The following FLNB variants were observed in gnomAD, a reference collection of about 807,000 sequenced individuals.
The protein encoded by FLNB is filamin-B.
Under a neutral mutation model 250.6 loss-of-function variants are expected in FLNB, and 111 were observed. That is an observed-to-expected ratio of 0.44 (90% CI 0.38 to 0.52). The LOEUF is 0.52. FLNB is among the 20% of genes least tolerant of loss of function. FLNB has a pLI of 0.00. For missense variants in FLNB, 2,869 were observed against 3,447.8 expected (o/e 0.83, Z 4.20); for synonymous variants, 1,302 against 1,372.1 (o/e 0.95, Z 1.13).
chr3:58,044,877 A>G (rs1481561943), intron 1 of FLNB, among the ~76,000 whole-genome samples: 1 of 152,220 alleles, frequency 6.6e-6, no homozygotes, highest in Non-Finnish European at 1.5e-5. Flanking sequence ...CCAAGTCAGC[A>G]TGACTCGAGG....
In FLNB at chr3:58,142,074, GATCCC is replaced by G; in HGVS notation, c.5181+146_5181+150del. The G allele has an allele frequency of 2.7e-6, 2 of 742,066 alleles. No individual in the cohort carries two copies. Among genetic ancestry groups the G allele is most frequent in the Non-Finnish European group, 4.9e-6 (2 of 408,508 alleles). The allele number at this position is 742,066 out of a possible 1,614,324, so 46.0% of individuals were successfully genotyped here. On this transcript the variant is annotated intron_variant, in intron 30 of 45. Transcript: ENST00000295956. This position sits in a 1 kb window ranked among gnomAD's most constrained non-coding sequence, Gnocchi z 4.3. ...CCCTCACTGATCAGCCCATCACGAT[GATCCC>G]TGCTTTTTCTGTAATAAGATCACCT... is the stretch of plus-strand genomic sequence containing the variant.
intron 1 of FLNB, among the ~76,000 whole-genome samples, chr3:58,038,675 G>T (rs2097141628): frequency 6.6e-6 from 1 of 150,888 alleles, no homozygotes; most frequent in African/African-American, 2.4e-5. Flanking sequence ...GTGATCTCCT[G>T]CCTCAGCCTC....
At chr3:58,094,993 A>G (rs777620894) in intron 5 of FLNB, 39 bp downstream of exon 5, 11 of 1,494,586 alleles carry the variant, frequency 7.4e-6, no homozygotes, top group Admixed American at 5.0e-5. Context: ...CCAGCACCTC[A>G]TGGAGCTTTT....
At chr3:58,024,697 C>T (rs906123753) in intron 1 of FLNB, among the ~76,000 whole-genome samples, 1 of 110,470 alleles carries the variant, frequency 9.1e-6, no homozygotes, top group Non-Finnish European at 2.0e-5. Context: ...TCTGGCCAAG[C>T]CTCCTTTTTT....
chr3:58,146,726 C>A, intron 33 of FLNB, 94 bp from the exon 34 acceptor site: 2 of 1,321,268 alleles, frequency 1.5e-6, no homozygotes, highest in Non-Finnish European at 2.2e-6. Context: ...TTGTCCCCAG[C>A]ATCAGGGCTG....
In FLNB at chr3:58,081,245, G is replaced by A. The variant is rs960580356; in HGVS notation, c.640-384G>A. 3.9e-5 allele frequency among the ~76,000 whole-genome samples: 6 copies of A among 152,248 alleles called. No individual in the cohort carries two copies. In the East Asian group the frequency reaches 1.2e-3, roughly 29 times the overall value. Reference sequence around the variant, plus strand: ...CAAAGGAAAAAGCTGGTTAACCTGTGCACTTTTTTGTAACATGCTCTAATC... The same window carrying A: ...CAAAGGAAAAAGCTGGTTAACCTGTACACTTTTTTGTAACATGCTCTAATC... On this transcript the variant is annotated intron_variant, in intron 3 of 45. Transcript: ENST00000295956.
Position 58,118,858 on chromosome 3 carries a change from C to G in FLNB, c.2746-14C>G. ...GGTACCCAAAGGTAAACTGAGTTTT[C>G]TCTCTTGTTCCAGGGCAACATGCAG... On this transcript the variant is annotated splice_polypyrimidine_tract_variant and intron_variant, in intron 18 of 45. Coordinates refer to ENST00000295956, the MANE Select transcript of FLNB (RefSeq NM_001457.4). 6.2e-7 allele frequency: 1 copy of G among 1,607,326 alleles called. No homozygotes were observed. Among genetic ancestry groups the G allele is most frequent in the Non-Finnish European group, 8.5e-7 (1 of 1,173,846 alleles).
At chr3:58,153,251 TG>T in intron 38 of FLNB, 123 bp from the exon 39 acceptor site, 3 of 1,142,920 alleles carry the variant, frequency 2.6e-6, no homozygotes, top group Non-Finnish European at 3.9e-6. Context: ...GAAGGAAGCC[TG>T]GGCACCTCAC....
Position 58,008,742 on chromosome 3 carries a change from A to G in FLNB, c.178A>G (p.Lys60Glu), listed in dbSNP as rs1291636394. 1.9e-6 allele frequency: 3 copies of G among 1,614,040 alleles called. No individual in the cohort carries two copies. Among genetic ancestry groups the G allele is most frequent in the Middle Eastern group, 1.6e-4 (1 of 6,084 alleles). Residue 60 changes from lysine (K) to glutamate (E), a missense_variant, in exon 1 of 46, where the codon AAG becomes GAG. By Grantham distance (56) the Lys-to-Glu change is moderately conservative. This residue lies in a region of FLNB where 308 missense variants were observed against 466.1 expected (regional missense o/e 0.66). Coordinates refer to ENST00000295956, the MANE Select transcript of FLNB (RefSeq NM_001457.4). The part of the protein sequence containing the change: ...LIALLEVLSQ[K>E]RMYRKYHQRP... ...CGCGCTGCTCGAGGTGCTCAGCCAG[A>G]AGCGCATGTACCGCAAGTACCATCA...
intron 1 of FLNB, among the ~76,000 whole-genome samples, chr3:58,058,435 G>C (rs1434708334): frequency 6.7e-6 from 1 of 148,276 alleles, no homozygotes; most frequent in Non-Finnish European, 1.5e-5. Flanking sequence ...CTTCGTCACA[G>C]ACAACATATT....
At chr3:58,130,638 T>G in intron 24 of FLNB, 103 bp from the exon 25 acceptor site, 6 of 1,211,452 alleles carry the variant, frequency 5.0e-6, no homozygotes, top group Non-Finnish European at 7.1e-6. Context: ...GACCGAGGCC[T>G]GCATGGCCGA....
chr3:58,087,471 T>G (rs1264650881), intron 4 of FLNB, among the ~76,000 whole-genome samples: 1 of 152,058 alleles, frequency 6.6e-6, no homozygotes, highest in Non-Finnish European at 1.5e-5. Flanking sequence ...TTTTTTTTTT[T>G]GAGACGGAGT....
intron 39 of FLNB, 78 bp from the exon 40 acceptor site, chr3:58,154,713 G>A: frequency 1.3e-6 from 2 of 1,487,458 alleles, no homozygotes; most frequent in South Asian, 2.3e-5. Flanking sequence ...ACCTAGCACT[G>A]CAGGTTTGAA....
Position 58,154,871 on chromosome 3 carries a change from A to G in FLNB, c.6715A>G (p.Thr2239Ala). 1.9e-6 allele frequency: 3 copies of G among 1,614,100 alleles called. No individual in the cohort carries two copies. The highest frequency in any genetic ancestry group is 2.2e-5 in the East Asian group (1 of 44,880). ...AVEGPSKAEI[T>A]FDDHKNGSCG... ...TGAGGGCCCCAGTAAGGCCGAGATT[A>G]CATTCGATGACCATAAAAATGGGTC... Residue 2239 changes from threonine (T) to alanine (A), a missense_variant, in exon 40 of 46, where the codon ACA (threonine) becomes GCA (alanine). Thr to Ala is a moderately conservative substitution (Grantham distance 58). Transcript: ENST00000295956.
At chr3:58,096,415 A>C (rs1231162336) in intron 6 of FLNB, among the ~76,000 whole-genome samples, 197 bp downstream of exon 6, 1 of 152,240 alleles carries the variant, frequency 6.6e-6, no homozygotes, top group Non-Finnish European at 1.5e-5. Flanking sequence ...GCAATGTCGT[A>C]AGATTTTTCC....
intron 1 of FLNB, among the ~76,000 whole-genome samples, chr3:58,013,381 G>A (rs149458554): frequency 0.017 from 2,649 of 152,302 alleles, 72 homozygotes; most frequent in African/African-American, 0.06. Flanking sequence ...CCAGGGTGGT[G>A]GGTCACTGGT....
At chr3:58,099,390 GGTATCA>G (rs1428022232) in intron 8 of FLNB, among the ~76,000 whole-genome samples, 2 of 152,142 alleles carry the variant, frequency 1.3e-5, no homozygotes, top group African/African-American at 4.8e-5. Flanking sequence ...GATAGCGTTA[GGTATCA>G]GTACTACAAG....
intron 1 of FLNB, among the ~76,000 whole-genome samples, chr3:58,074,601 A>G (rs1448264987): frequency 2.6e-5 from 4 of 152,228 alleles, no homozygotes; most frequent in African/African-American, 9.6e-5. Flanking sequence ...GAGCTAAATT[A>G]CAAGAAAACA....
intron 1 of FLNB, among the ~76,000 whole-genome samples, chr3:58,071,473 T>G (rs2097194448): frequency 1.3e-5 from 2 of 151,770 alleles, no homozygotes; most frequent in African/African-American, 2.4e-5. Flanking sequence ...GAGACAGGGT[T>G]TCACCGTGTT....
Sources: gnomAD v4.1 joint callset for allele counts (sites outside exome capture counted in the v4.1 genomes callset) on GRCh38, gnomAD v4.1.1 for gene constraint, gnomAD v4.1.1 regional missense constraint, Gnocchi (gnomAD v3.1) non-coding constraint, MANE v1.5 for transcripts, NCBI Gene and HGNC (gene_info 2026-07-23, HGNC 2026-07-21) for gene names.